ZNF273: variants seen among roughly 807,000 people sequenced by gnomAD.
ZNF273 encodes the protein zinc finger protein 273.
A neutral mutation model predicts 14.9 loss-of-function variants in ZNF273; 11 were observed. The observed-to-expected ratio is 0.74, with a 90% CI of 0.46 to 1.22. The LOEUF is 1.22. ZNF273 is among the 50% of genes most tolerant of loss of function. The pLI is 0.00. For synonymous variants in ZNF273, 199 were observed against 223.9 expected, an observed-to-expected ratio of 0.89 and a Z score of 0.99; for missense variants, 577 against 660.6, an observed-to-expected ratio of 0.87 and a Z score of 1.39.
rs1562959220 is a variant in ZNF273, at chr7:64,912,846, T to TTTTTTTTTTTTTTTTTG, written c.103-4735_103-4734insTTTTTTTTTTTTTTTTG. 1.1e-3 allele frequency among the ~76,000 whole-genome samples: 104 copies of TTTTTTTTTTTTTTTTTG among 98,248 alleles called. 25 individuals are homozygous for TTTTTTTTTTTTTTTTTG. Among genetic ancestry groups the TTTTTTTTTTTTTTTTTG allele is most frequent in the Non-Finnish European group, 2.3e-3 (90 of 39,242 alleles). The allele number at this position is 98,248 out of a possible 152,430, so 64.5% of individuals were successfully genotyped here. ...TTTTAGTTTTTTTTTTTTTTTTTTT[T>TTTTTTTTTTTTTTTTTG]GAGATTGAGTTTCGCTCTGTCATCC... On this transcript the variant is annotated intron_variant, in intron 1 of 3. Transcript: ENST00000476120.
At chr7:64,914,180 G>GTTTTTTTTTTTTTTTTTTTTTTTTT (rs1793773323) in intron 1 of ZNF273, among the ~76,000 whole-genome samples, 1 of 63,072 alleles carries the variant, frequency 1.6e-5, no homozygotes. Flanking sequence ...GGTAATTTTT[G>GTTTTTTTTTTTTTTTTTTTTTTTTT]TATTTTTTTT....
chr7:64,893,814 T>A (rs944216854), downstream of ZNF273: 1 of 152,808 alleles, frequency 6.5e-6, no homozygotes, highest in Non-Finnish European at 1.5e-5. Flanking sequence ...GATCCCACCA[T>A]CCCTAGGACA....
intron 3 of ZNF273, among the ~76,000 whole-genome samples, chr7:64,896,517 C>A (rs10265252): frequency 6.6e-6 from 1 of 151,660 alleles, no homozygotes; most frequent in Admixed American, 6.6e-5. Flanking sequence ...AGAATAAATA[C>A]ATTAAATATG....
At chr7:64,883,214 A>ACACC (rs755633418), downstream of ZNF273, among the ~76,000 whole-genome samples, 1 of 121,636 alleles carries the variant, frequency 8.2e-6, no homozygotes, top group Non-Finnish European at 1.7e-5. Flanking sequence ...CCAAATCACC[A>ACACC]CCCCCCCCTC....
At chr7:64,898,550 T>G (rs977523746), upstream of ZNF273, among the ~76,000 whole-genome samples, 8 of 152,254 alleles carry the variant, frequency 5.3e-5, no homozygotes, top group African/African-American at 1.9e-4. Context: ...TGGAATATAT[T>G]ATAATTTTTC....
At chr7:64,892,479 G>A (rs1015713045), downstream of ZNF273, among the ~76,000 whole-genome samples, 5 of 152,192 alleles carry the variant, frequency 3.3e-5, no homozygotes, top group Admixed American at 6.5e-5. Context: ...CAGGACAGGG[G>A]TTCAGTGTCA....
chr7:64,922,133 T>A (rs1794510655), intron 3 of ZNF273, among the ~76,000 whole-genome samples: 1 of 147,442 alleles, frequency 6.8e-6, no homozygotes, highest in African/African-American at 2.6e-5. Context: ...TTTTTTTTTT[T>A]AATAATTGTA....
intron 3 of ZNF273, chr7:64,897,219 T>C (rs1358739968): frequency 1.3e-5 from 2 of 152,176 alleles, no homozygotes; most frequent in East Asian, 3.8e-4. Context: ...AGTCAAAACT[T>C]AATGTTGGTA....
rs775448277 is a variant in ZNF273 at position 64,927,940 on chromosome 7, A to G, written c.612A>G (p.Lys204=). 8 of 1,613,596 alleles carry G rather than the reference A, an allele frequency of 5.0e-6. No homozygotes were observed. In the Middle Eastern group the frequency reaches 5.0e-4, roughly 100 times the overall value. The change falls in exon 4 of 4, where the codon AAA becomes AAG. Residue 204 remains lysine (K), a synonymous_variant. Coordinates refer to ENST00000476120, the MANE Select transcript of ZNF273 (RefSeq NM_021148.3). ...NIHKKRQTGK[K]PFKCKECGKS... Reference sequence around the variant, plus strand: ...ATAAGAAAAGACAAACTGGAAAGAAACCTTTCAAATGTAAAGAATGTGGCA... The same window carrying G: ...ATAAGAAAAGACAAACTGGAAAGAAGCCTTTCAAATGTAAAGAATGTGGCA...
chr7:64,933,024 T>G (rs1795024820), downstream of ZNF273, among the ~76,000 whole-genome samples: 1 of 152,162 alleles, frequency 6.6e-6, no homozygotes, highest in Non-Finnish European at 1.5e-5. Flanking sequence ...CAAGCTGGAG[T>G]GCAGTGGCGC....
exon 4 of ZNF273, chr7:64,897,971 C>G (rs1792464975): frequency 6.6e-6 from 1 of 152,068 alleles, no homozygotes; most frequent in Non-Finnish European, 1.5e-5. Context: ...TCGTAATCCT[C>G]CCGCCTCGGC....
Position 64,929,878 on chromosome 7 carries a change from G to GT in ZNF273, c.*845dup, listed in dbSNP as rs957743846. 7.0e-6 allele frequency: 1 copy of GT among 142,942 alleles called. No homozygotes were observed. The highest frequency in any genetic ancestry group is 2.6e-5 in the African/African-American group (1 of 38,176). The allele number at this position is 142,942 out of a possible 1,614,324, so 8.9% of individuals were successfully genotyped here. ...GGGTTTTTTGTTTGTTTGTTTGTTT[G>GT]TTTTTGAGACGGAGTTTCACTCTTG... is the stretch of plus-strand genomic sequence containing the variant. On this transcript the variant is annotated 3_prime_UTR_variant, in exon 4 of 4. Coordinates refer to ENST00000476120, the MANE Select transcript of ZNF273 (RefSeq NM_021148.3).
intron 3 of ZNF273, among the ~76,000 whole-genome samples, chr7:64,923,049 T>A (rs913563392): frequency 2.6e-5 from 4 of 152,194 alleles, no homozygotes; most frequent in Non-Finnish European, 4.4e-5. Flanking sequence ...ACTAATTATA[T>A]TATGCAACAT....
At chr7:64,916,716 G>T (rs1054308246) in intron 1 of ZNF273, among the ~76,000 whole-genome samples, 1 of 123,174 alleles carries the variant, frequency 8.1e-6, no homozygotes. Flanking sequence ...GTGCCTCAGC[G>T]CATCATACAA....
At chr7:64,884,402 AG>A (rs1204341664), downstream of ZNF273, among the ~76,000 whole-genome samples, 3 of 152,136 alleles carry the variant, frequency 2.0e-5, no homozygotes, top group East Asian at 5.8e-4. Flanking sequence ...GCCCCTCAAC[AG>A]CACTCCTGGG....
chr7:64,915,166 C>G (rs1392527541), intron 1 of ZNF273, among the ~76,000 whole-genome samples: 1 of 139,688 alleles, frequency 7.2e-6, no homozygotes, highest in African/African-American at 2.7e-5. Flanking sequence ...TTCTTATATT[C>G]CATGCAGAAT....
chr7:64,905,420 CTTTTTTTTTT>C (rs34374261), intron 1 of ZNF273, among the ~76,000 whole-genome samples: 88 of 84,228 alleles, frequency 1.0e-3, no homozygotes, highest in South Asian at 2.0e-3. Context: ...GCTGGCCACA[CTTTTTTTTTT>C]TTTTTTTTTT....
rs1236661277 is a variant in ZNF273, at chr7:64,929,619, A to G, written c.*581A>G. 4 of 152,306 alleles carry G rather than the reference A, an allele frequency of 2.6e-5. No individual in the cohort carries two copies. The highest frequency in any genetic ancestry group is 1.3e-4 in the Admixed American group (2 of 15,292). The allele number at this position is 152,306 out of a possible 1,614,324, so 9.4% of individuals were successfully genotyped here. Reference sequence around the variant, plus strand: ...TTATATAAATATCAGAGAATTCACAATACAGATATCTAAGATACTGACACT... The same window carrying G: ...TTATATAAATATCAGAGAATTCACAGTACAGATATCTAAGATACTGACACT... On this transcript the variant is annotated 3_prime_UTR_variant, in exon 4 of 4. Transcript: ENST00000476120.
Position 64,917,592 on chromosome 7 carries a change from A to G in ZNF273, c.114A>G (p.Thr38=), listed in dbSNP as rs368719165. 21 of 1,597,894 alleles carry G rather than the reference A, an allele frequency of 1.3e-5. No individual in the cohort carries two copies. Among genetic ancestry groups the G allele is most frequent in the Non-Finnish European group, 1.6e-5 (19 of 1,169,880 alleles). Residue 38 remains threonine (T), a synonymous_variant, in exon 2 of 4, where the codon ACA becomes ACG. Coordinates refer to ENST00000476120, the MANE Select transcript of ZNF273 (RefSeq NM_021148.3). The stretch of plus-strand genomic sequence containing the variant: ...TGTGTGTTTTTCAGGGACCACTGAC[A>G]TTTAGGGATGTGGCCATAGAATTCT... ...LPGSLEMGPL[T]FRDVAIEFSL...
Sources: allele counts gnomAD v4.1 joint callset (sites outside exome capture counted in the v4.1 genomes callset), GRCh38; gene constraint gnomAD v4.1.1; transcripts MANE v1.5; gene names NCBI Gene and HGNC (gene_info 2026-07-23, HGNC 2026-07-21).